The following LRRC37A2 variants were observed in gnomAD, a reference collection of about 807,000 sequenced individuals.
The protein encoded by LRRC37A2 is leucine-rich repeat-containing protein 37A2.
In LRRC37A2, 9 loss-of-function variants were observed where a neutral mutation model predicts 68.8. The ratio of observed to expected loss-of-function variants is 0.13; its 90% CI spans 0.08 to 0.23. LRRC37A2 has a LOEUF of 0.23. Ranked by LOEUF, LRRC37A2 falls within the 10% of genes least tolerant of loss-of-function variation. LRRC37A2 has a pLI of 1.00. For synonymous variants in LRRC37A2, 63 were observed against 367.6 expected (o/e 0.17, Z 9.48); for missense variants, 168 against 950.4 (o/e 0.18, Z 10.82).
the LRRC37A2 span, chr17:46,931,644 C>A: frequency 7.9e-6 from 2 of 251,688 alleles, no homozygotes; most frequent in Non-Finnish European, 7.2e-6. Context: ...AAAATGAAAC[C>A]ACCCTTGCCA....
the LRRC37A2 span, among the ~76,000 whole-genome samples, chr17:46,824,712 G>A: frequency 2.6e-5 from 4 of 152,234 alleles, no homozygotes; most frequent in African/African-American, 9.6e-5. Flanking sequence ...TGTTGATGAT[G>A]GGCCCAGAGG....
the LRRC37A2 span, chr17:46,886,353 C>T: frequency 6.6e-6 from 1 of 152,152 alleles, no homozygotes; most frequent in African/African-American, 2.4e-5. Context: ...ACTATTGGGC[C>T]CCTTTCAATT....
the LRRC37A2 span, among the ~76,000 whole-genome samples, chr17:47,013,546 T>C: frequency 2.6e-5 from 4 of 152,204 alleles, no homozygotes; most frequent in Non-Finnish European, 5.9e-5. Flanking sequence ...ATCAGCCACA[T>C]TCCCTAGAGT....
the LRRC37A2 span, among the ~76,000 whole-genome samples, chr17:46,740,569 C>G: frequency 6.6e-6 from 1 of 151,758 alleles, no homozygotes; most frequent in Non-Finnish European, 1.5e-5. Context: ...GTGTGGTCAT[C>G]TTAGTTAAGT....
chr17:46,516,106 C>T (rs1287014187), intron 2 of LRRC37A2, among the ~76,000 whole-genome samples: 1 of 145,668 alleles, frequency 6.9e-6, no homozygotes, highest in Non-Finnish European at 1.5e-5. Flanking sequence ...CAAGACCATC[C>T]TGGCTAACAT....
At chr17:46,788,174 C>T in the LRRC37A2 span, among the ~76,000 whole-genome samples, 1 of 152,300 alleles carries the variant, frequency 6.6e-6, no homozygotes, top group Admixed American at 6.5e-5. Flanking sequence ...CCAGCTTTTC[C>T]TCCTGGAGCT....
the LRRC37A2 span, among the ~76,000 whole-genome samples, chr17:47,007,197 C>A: frequency 1.3e-5 from 2 of 151,940 alleles, no homozygotes; most frequent in Admixed American, 6.6e-5. Flanking sequence ...TCTTTTCCTT[C>A]GACAGAGTCT....
chr17:46,915,458 AG>A, the LRRC37A2 span, among the ~76,000 whole-genome samples: 2 of 152,236 alleles, frequency 1.3e-5, no homozygotes, highest in Non-Finnish European at 2.9e-5. Flanking sequence ...CTGTTGGTCC[AG>A]GAAGTCATTA....
chr17:46,953,417 T>G, the LRRC37A2 span, among the ~76,000 whole-genome samples: 2 of 152,250 alleles, frequency 1.3e-5, no homozygotes, highest in Non-Finnish European at 2.9e-5. Flanking sequence ...GTGGTGTATA[T>G]GTGCCACATT....
the LRRC37A2 span, among the ~76,000 whole-genome samples, chr17:46,404,949 T>C: frequency 9.9e-6 from 1 of 100,934 alleles, no homozygotes; most frequent in Admixed American, 1.0e-4. Flanking sequence ...ACGCCTGTAA[T>C]CCTAGCACTT....
the LRRC37A2 span, among the ~76,000 whole-genome samples, chr17:46,921,467 C>A: frequency 1.3e-5 from 2 of 152,110 alleles, no homozygotes; most frequent in African/African-American, 4.8e-5. Context: ...ACAACGAAAG[C>A]CAAAATTGAC....
chr17:46,868,140 G>A, the LRRC37A2 span, among the ~76,000 whole-genome samples: 1 of 152,186 alleles, frequency 6.6e-6, no homozygotes, highest in African/African-American at 2.4e-5. Context: ...GCCCCAGGAG[G>A]CTCAGGAGCA....
At chr17:46,767,348 AAGCTTC>A in the LRRC37A2 span, among the ~76,000 whole-genome samples, 3 of 152,126 alleles carry the variant, frequency 2.0e-5, no homozygotes, top group Non-Finnish European at 1.5e-5. Context: ...CACTCCACCC[AAGCTTC>A]AGATCTGTCA....
the LRRC37A2 span, chr17:46,936,756 C>T: frequency 4.1e-6 from 4 of 982,764 alleles, no homozygotes; most frequent in South Asian, 1.4e-4. Context: ...TAGCAAGAGT[C>T]TGATTGTATT....
the LRRC37A2 span, among the ~76,000 whole-genome samples, chr17:46,735,590 T>TA: frequency 5.3e-5 from 8 of 152,312 alleles, no homozygotes; most frequent in East Asian, 1.5e-3. Context: ...CCTCATGTGT[T>TA]ACCTACTCTG....
At chr17:46,711,696 T>C in the LRRC37A2 span, among the ~76,000 whole-genome samples, 1 of 152,260 alleles carries the variant, frequency 6.6e-6, no homozygotes, top group South Asian at 2.1e-4. Flanking sequence ...AATTTACAGT[T>C]ATAATTAGTA....
chr17:46,759,327 G>T, the LRRC37A2 span, among the ~76,000 whole-genome samples: 1 of 152,350 alleles, frequency 6.6e-6, no homozygotes, highest in African/African-American at 2.4e-5. Context: ...CTGAGACTGG[G>T]TCCTGGAGAC....
At chr17:46,759,788 G>A in the LRRC37A2 span, among the ~76,000 whole-genome samples, 1 of 151,998 alleles carries the variant, frequency 6.6e-6, no homozygotes, top group African/African-American at 2.4e-5. Context: ...TCCTTGAACT[G>A]TCTCACATGC....
chr17:46,858,635 C>T, the LRRC37A2 span, among the ~76,000 whole-genome samples: 3 of 152,164 alleles, frequency 2.0e-5, no homozygotes, highest in African/African-American at 7.2e-5. Flanking sequence ...CTTTCTCATA[C>T]AGCCCCTTCT....
Sources: allele counts gnomAD v4.1 joint callset (sites outside exome capture counted in the v4.1 genomes callset), GRCh38; gene constraint gnomAD v4.1.1; transcripts MANE v1.5; gene names NCBI Gene and HGNC (gene_info 2026-07-23, HGNC 2026-07-21).